The following TPTE2 variants were observed in gnomAD, a reference collection of about 807,000 sequenced individuals.
TPTE2 encodes transmembrane phosphoinositide 3-phosphatase and tensin homolog 2, also known as phosphatidylinositol 3,4,5-trisphosphate 3-phosphatase TPTE2.
Under a neutral mutation model 78.6 loss-of-function variants are expected in TPTE2, and 53 were observed. The ratio of observed to expected loss-of-function variants is 0.67; its 90% CI spans 0.54 to 0.85. The LOEUF is 0.85. TPTE2 is among the 40% of genes least tolerant of loss of function. The pLI is 0.00. For missense variants in TPTE2, 461 were observed against 623.0 expected (o/e 0.74, Z 2.77); for synonymous variants, 175 against 206.2 (o/e 0.85, Z 1.30).
chr13:19,480,797 C>T (rs1201828296), intron 4 of TPTE2, among the ~76,000 whole-genome samples: 1 of 152,112 alleles, frequency 6.6e-6, no homozygotes, highest in African/African-American at 2.4e-5. Context: ...ATATCAATAT[C>T]AATAGCGTCA....
At chr13:19,426,492 T>C (rs1188909821) in exon 18 of TPTE2, 9 of 1,593,662 alleles carry the variant, frequency 5.6e-6, no homozygotes, top group Non-Finnish European at 7.7e-6. Context: ...AATTAATATT[T>C]TGTCTGTTTC....
chr13:19,547,105 A>G, the TPTE2 span, among the ~76,000 whole-genome samples: 1 of 151,050 alleles, frequency 6.6e-6, no homozygotes, highest in East Asian at 1.9e-4. Context: ...AAAAAAGATC[A>G]CATACAATGA....
chr13:19,514,625 G>GTGTGTGTGTGTGTGTGTC (rs1185785729), intron 1 of TPTE2, among the ~76,000 whole-genome samples: 2 of 149,912 alleles, frequency 1.3e-5, no homozygotes, highest in Admixed American at 6.7e-5. Context: ...GTGTGTGTGT[G>GTGTGTGTGTGTGTGTGTC]TGTGTCTGTG....
chr13:19,433,593 T>A (rs1162072256), intron 15 of TPTE2, among the ~76,000 whole-genome samples: 2 of 152,180 alleles, frequency 1.3e-5, no homozygotes, highest in African/African-American at 4.8e-5. Context: ...AGTAACTAAC[T>A]GCCATACTTC....
At chr13:19,459,439 G>A (rs528335220) in intron 10 of TPTE2, among the ~76,000 whole-genome samples, 6 of 152,276 alleles carry the variant, frequency 3.9e-5, no homozygotes, top group East Asian at 1.9e-4. Flanking sequence ...GGAGACCCCC[G>A]TTGGGCATTC....
chr13:19,481,501 C>G (rs1217789370), intron 4 of TPTE2, among the ~76,000 whole-genome samples: 1 of 152,154 alleles, frequency 6.6e-6, no homozygotes, highest in African/African-American at 2.4e-5. Context: ...GTATGAAACA[C>G]CAGCATTTCT....
At chr13:19,449,382 C>G (rs553098261) in intron 13 of TPTE2, among the ~76,000 whole-genome samples, 3 of 152,078 alleles carry the variant, frequency 2.0e-5, no homozygotes, top group Non-Finnish European at 4.4e-5. Context: ...ACCATGTGAT[C>G]CACCTGCCTC....
chr13:19,530,538 T>C (rs17082916), intron 1 of TPTE2, among the ~76,000 whole-genome samples: 3,226 of 152,296 alleles, frequency 0.021, 123 homozygotes, highest in African/African-American at 0.074. Context: ...ACATGGTATG[T>C]GCTTTATCAT....
At chr13:19,525,825 G>A (rs1310638113) in intron 1 of TPTE2, among the ~76,000 whole-genome samples, 2 of 151,806 alleles carry the variant, frequency 1.3e-5, no homozygotes, top group Non-Finnish European at 2.9e-5. Flanking sequence ...AATCTATAAG[G>A]AACTGAAACA....
rs768445429 is a variant in TPTE2 at position 19,426,257 on chromosome 13, C to T, written c.1395+168G>A. Reference sequence around the variant, plus strand: ...CAATTTAGAAAAAAACAAATGAACACAAATTATTTAAATTACATACGCTCT... The same window carrying T: ...CAATTTAGAAAAAAACAAATGAACATAAATTATTTAAATTACATACGCTCT... On this transcript the variant is annotated intron_variant, in intron 18 of 19. Coordinates refer to ENST00000400230, the Ensembl canonical transcript of TPTE2. The T allele has an allele frequency of 5.5e-6, 3 of 542,308 alleles. No homozygotes were observed. The East Asian group carries it at 1.0e-4, about 18-fold the overall frequency. 33.6% of individuals were successfully genotyped at this position (542,308 alleles called of 1,614,324 possible).
At chr13:19,521,779 CCT>C (rs1215551373) in intron 1 of TPTE2, among the ~76,000 whole-genome samples, 2 of 151,962 alleles carry the variant, frequency 1.3e-5, no homozygotes, top group Non-Finnish European at 2.9e-5. Flanking sequence ...AGCTCCATTC[CCT>C]CTCTCTTCCA....
At chr13:19,437,776 T>C (rs1272395718) in intron 14 of TPTE2, among the ~76,000 whole-genome samples, 2 of 152,080 alleles carry the variant, frequency 1.3e-5, no homozygotes, top group Non-Finnish European at 2.9e-5. Flanking sequence ...ACATCATAGA[T>C]TTTTTGCATT....
chr13:19,427,065 TTTTC>T (rs1485859368), intron 17 of TPTE2, among the ~76,000 whole-genome samples: 29 of 134,820 alleles, frequency 2.2e-4, no homozygotes, highest in Admixed American at 5.2e-4. Flanking sequence ...TTTTCTTTTT[TTTTC>T]TTTTCTTTTC....
At chr13:19,458,501 C>T (rs1878684298) in intron 10 of TPTE2, 2 of 384,680 alleles carry the variant, frequency 5.2e-6, no homozygotes, top group South Asian at 2.1e-5. Flanking sequence ...AATGTACTTC[C>T]TGGGATTCTC....
intron 6 of TPTE2, among the ~76,000 whole-genome samples, chr13:19,469,233 C>T (rs1408703430): frequency 6.6e-6 from 1 of 152,156 alleles, no homozygotes; most frequent in East Asian, 1.9e-4. Context: ...GTGCATTCTT[C>T]TGTATGTGTA....
At position 19,536,435 on chromosome 13, in the gene TPTE2, G is replaced by A. The variant is rs368524758; in HGVS notation, c.-44+161C>T. Among the ~76,000 whole-genome samples the A allele has an allele frequency of 4.6e-5, 7 of 152,190 alleles. No individual in the cohort carries two copies. In the South Asian group the frequency reaches 1.2e-3, roughly 27 times the overall value. On this transcript the variant is annotated intron_variant, in intron 1 of 17. Coordinates refer to the TPTE2 transcript ENST00000390680. ...CTTGAGGAACAGAGACAGTACTGTCGAAGCCCCTGTGTGTCCCTCCTCAAT... is the reference window on the plus strand; with the variant it reads ...CTTGAGGAACAGAGACAGTACTGTCAAAGCCCCTGTGTGTCCCTCCTCAAT...
rs183550685 is a variant in TPTE2, at chr13:19,494,439, C to T, written c.12-938G>A. On this transcript the variant is annotated intron_variant, in intron 1 of 19. Coordinates refer to ENST00000400230, the Ensembl canonical transcript of TPTE2. ...TTTTCTTTTTTGCAACAAAGTTTCG[C>T]TCCTGCTGCCCAGGGTGGAATGCAG... 2.4e-4 allele frequency among the ~76,000 whole-genome samples: 37 copies of T among 152,200 alleles called. 1 individual carries two copies. The East Asian group carries it at 6.4e-3, about 26-fold the overall frequency.
the TPTE2 span, chr13:19,560,763 C>CG: frequency 6.8e-7 from 1 of 1,470,730 alleles, no homozygotes; most frequent in African/African-American, 1.4e-5. Context: ...GGAAGGCGCC[C>CG]GGGAAGGGCA....
intron 17 of TPTE2, among the ~76,000 whole-genome samples, chr13:19,428,047 G>A (rs1238420965): frequency 1.3e-5 from 2 of 152,186 alleles, no homozygotes; most frequent in Admixed American, 1.3e-4. Flanking sequence ...CATTAAGGAG[G>A]TAGAAATTGA....
Sources: allele counts gnomAD v4.1 joint callset (sites outside exome capture counted in the v4.1 genomes callset), GRCh38; gene constraint gnomAD v4.1.1; transcripts MANE v1.5; gene names NCBI Gene and HGNC (gene_info 2026-07-23, HGNC 2026-07-21).